Variants in MACROD2 observed in about 807,000 individuals in gnomAD.
MACROD2 encodes the protein ADP-ribose glycohydrolase MACROD2.
A neutral mutation model predicts 70.4 loss-of-function variants in MACROD2; 36 were observed. The observed-to-expected ratio is 0.51, with a 90% CI of 0.39 to 0.68. MACROD2 has a LOEUF of 0.68. Ranked by LOEUF, MACROD2 falls within the 30% of genes least tolerant of loss-of-function variation. The probability of loss-of-function intolerance (pLI) is 0.00; values close to 1 mark genes in which losing one functional copy is unlikely to be tolerated. For synonymous variants in MACROD2, 172 were observed against 178.8 expected, an observed-to-expected ratio of 0.96 and a Z score of 0.30; for missense variants, 496 against 538.4, an observed-to-expected ratio of 0.92 and a Z score of 0.78.
chr20:14,915,642 C>A (rs1183296128), intron 5 of MACROD2, among the ~76,000 whole-genome samples: 1 of 152,106 alleles, frequency 6.6e-6, no homozygotes, highest in Non-Finnish European at 1.5e-5. Flanking sequence ...CCGCCCAGTG[C>A]CAAGGGTAAC....
At chr20:14,375,172 TA>T (rs992290510) in intron 3 of MACROD2, among the ~76,000 whole-genome samples, 4 of 152,032 alleles carry the variant, frequency 2.6e-5, no homozygotes, top group African/African-American at 4.8e-5. Flanking sequence ...TTTTTACAAA[TA>T]AAAAATACTC....
In MACROD2 at chr20:16,024,747, C is replaced by G. The variant is rs181342423; in HGVS notation, c.1154-16454C>G. Among the ~76,000 whole-genome samples, 4 of 152,294 alleles carry G rather than the reference C, an allele frequency of 2.6e-5. No individual in the cohort carries two copies. The East Asian group carries it at 7.7e-4, about 29-fold the overall frequency. On this transcript the variant is annotated intron_variant, in intron 15 of 17. Coordinates refer to ENST00000684519, the MANE Select transcript of MACROD2 (RefSeq NM_001351661.2). Reference sequence around the variant, plus strand: ...TATTCGTATAACTCTTTTATTTGCTCAAAGGAAGCCACAGGGCAAAGGGGG... The same window carrying G: ...TATTCGTATAACTCTTTTATTTGCTGAAAGGAAGCCACAGGGCAAAGGGGG...
At chr20:14,686,962 G>A (rs948719644) in intron 5 of MACROD2, among the ~76,000 whole-genome samples, 2 of 152,080 alleles carry the variant, frequency 1.3e-5, no homozygotes, top group Non-Finnish European at 2.9e-5. Flanking sequence ...ATGGTGTTTA[G>A]AGCAGTTCTC....
chr20:15,312,734 C>T (rs2077766757), intron 6 of MACROD2, among the ~76,000 whole-genome samples: 1 of 151,996 alleles, frequency 6.6e-6, no homozygotes, highest in African/African-American at 2.4e-5. Context: ...AGTTATTTGA[C>T]TTGGAGGTGT....
intron 8 of MACROD2, among the ~76,000 whole-genome samples, chr20:15,713,987 G>GCACACACGCACA (rs1555868660): frequency 0.023 from 2,757 of 117,692 alleles, 63 homozygotes; most frequent in African/African-American, 0.048. Context: ...ACACACATAT[G>GCACACACGCACA]CACACACACA....
chr20:15,985,198 C>CTGTTTT, intron 13 of MACROD2, among the ~76,000 whole-genome samples: 1 of 152,212 alleles, frequency 6.6e-6, no homozygotes, highest in East Asian at 1.9e-4. Context: ...TACACCGGAC[C>CTGTTTT]TGTTTTTGTT....
chr20:14,335,182 G>A (rs1484463850), intron 3 of MACROD2, among the ~76,000 whole-genome samples: 1 of 152,178 alleles, frequency 6.6e-6, no homozygotes. Context: ...TCTCTCTGCA[G>A]TGCACTTGCA....
At chr20:15,087,594 T>G (rs1318517044) in intron 5 of MACROD2, among the ~76,000 whole-genome samples, 2 of 152,048 alleles carry the variant, frequency 1.3e-5, no homozygotes, top group Non-Finnish European at 2.9e-5. Context: ...GATTAAATAT[T>G]TAAATGTAAA....
intron 13 of MACROD2, among the ~76,000 whole-genome samples, chr20:15,978,580 GGGTCTC>G: frequency 8.4e-6 from 1 of 118,800 alleles, no homozygotes. Flanking sequence ...GCCTGACCTT[GGGTCTC>G]TCTCTCTCTC....
intron 6 of MACROD2, among the ~76,000 whole-genome samples, chr20:15,247,075 T>G (rs185878213): frequency 1.7e-4 from 26 of 152,250 alleles, no homozygotes; most frequent in Non-Finnish European, 5.9e-5. Flanking sequence ...GCTAATAGGG[T>G]ATCTTTTTTG....
chr20:15,977,275 T>A lies in MACROD2; in HGVS notation c.986-9452T>A, dbSNP rs116516230. 9.5e-3 allele frequency among the ~76,000 whole-genome samples: 1,454 copies of A among 152,308 alleles called. 20 individuals are homozygous for A. The highest frequency in any genetic ancestry group is 0.033 in the African/African-American group (1,358 of 41,560). On this transcript the variant is annotated intron_variant, in intron 13 of 17. Transcript: ENST00000684519. Reference sequence around the variant, plus strand: ...ACAAACAGTGAAGGTTCCCTCTCAGTATCATCCACCCAATAAACAAACGTC... The same window carrying A: ...ACAAACAGTGAAGGTTCCCTCTCAGAATCATCCACCCAATAAACAAACGTC...
intron 7 of MACROD2, among the ~76,000 whole-genome samples, chr20:15,456,933 T>C (rs2046735265): frequency 6.6e-6 from 1 of 152,078 alleles, no homozygotes; most frequent in South Asian, 2.1e-4. Context: ...TCTGCAGGCC[T>C]CACTTTTTAT....
At chr20:14,801,887 T>C (rs1174062942) in intron 5 of MACROD2, among the ~76,000 whole-genome samples, 2 of 152,064 alleles carry the variant, frequency 1.3e-5, no homozygotes, top group South Asian at 4.1e-4. Context: ...ATTTTTCTGA[T>C]TGTTTTCGTT....
intron 6 of MACROD2, among the ~76,000 whole-genome samples, chr20:15,242,978 T>C: frequency 6.6e-6 from 1 of 152,202 alleles, no homozygotes; most frequent in South Asian, 2.1e-4. Flanking sequence ...GAGCATCTGG[T>C]GACCCTACTG....
chr20:14,191,329 T>C (rs1285945415), intron 3 of MACROD2, among the ~76,000 whole-genome samples: 1 of 152,174 alleles, frequency 6.6e-6, no homozygotes, highest in Admixed American at 6.5e-5. Context: ...AGTGTTAAAA[T>C]TCACTAGCTC....
chr20:14,276,817 C>T (rs1006825957), intron 3 of MACROD2, among the ~76,000 whole-genome samples: 1 of 151,960 alleles, frequency 6.6e-6, no homozygotes, highest in Non-Finnish European at 1.5e-5. Context: ...TTGGTTTTTC[C>T]ATTAGTGCAG....
In MACROD2 at chr20:15,398,248, G is replaced by A. The variant is rs552564544; in HGVS notation, c.541-33157G>A. 6.6e-5 allele frequency among the ~76,000 whole-genome samples: 10 copies of A among 152,190 alleles called. 1 individual carries two copies. In the South Asian group the frequency reaches 1.9e-3, roughly 29 times the overall value. ...GAGATTTTAAGGGAATAGAATTTTG[G>A]GGGAGGTTGTTCAGCAAATATACTG... On this transcript the variant is annotated intron_variant, in intron 6 of 17. Coordinates refer to ENST00000684519, the MANE Select transcript of MACROD2 (RefSeq NM_001351661.2).
At chr20:16,024,098 G>T (rs2067042980) in intron 15 of MACROD2, among the ~76,000 whole-genome samples, 2 of 152,164 alleles carry the variant, frequency 1.3e-5, no homozygotes, top group South Asian at 2.1e-4. Flanking sequence ...CTTAATTGCG[G>T]CATTGATTAA....
chr20:15,328,847 G>A (rs780716607), intron 6 of MACROD2, among the ~76,000 whole-genome samples: 2 of 151,876 alleles, frequency 1.3e-5, no homozygotes, highest in Non-Finnish European at 2.9e-5. Context: ...CTAAAATTCA[G>A]AAAAGAATGC....
Sources: allele counts gnomAD v4.1 joint callset (sites outside exome capture counted in the v4.1 genomes callset), GRCh38; gene constraint gnomAD v4.1.1; transcripts MANE v1.5; gene names NCBI Gene and HGNC (gene_info 2026-07-23, HGNC 2026-07-21).